NUDT7: variants seen among roughly 807,000 people sequenced by gnomAD.
NUDT7 encodes the protein nudix hydrolase 7, also known as peroxisomal coenzyme A diphosphatase NUDT7.
NUDT7 carries 19 observed loss-of-function variants against 13.1 expected under a neutral mutation model. The ratio of observed to expected loss-of-function variants is 1.45; its 90% confidence interval spans 1.01 to 2.13. The LOEUF (loss-of-function observed/expected upper bound fraction) is 2.13. NUDT7 is among the 30% of genes most tolerant of loss of function. The pLI is 0.00. For missense variants in NUDT7, 360 were observed against 291.7 expected (o/e 1.23, Z -1.71); for synonymous variants, 132 against 109.7 (o/e 1.20, Z -1.27).
At chr16:77,733,763 A>G (rs1425873781) in intron 2 of NUDT7, among the ~76,000 whole-genome samples, 2 of 152,172 alleles carry the variant, frequency 1.3e-5, no homozygotes, top group Admixed American at 1.3e-4. Context: ...ACCCCATTGC[A>G]CACAGTTGGA....
At chr16:77,730,819 T>C (rs1272966243) in intron 2 of NUDT7, among the ~76,000 whole-genome samples, 1 of 152,178 alleles carries the variant, frequency 6.6e-6, no homozygotes, top group South Asian at 2.1e-4. Context: ...TGTGACGTAA[T>C]GTCTCTCTGT....
At chr16:77,722,766 G>C in intron 1 of NUDT7, 149 bp downstream of exon 1, 2 of 722,140 alleles carry the variant, frequency 2.8e-6, no homozygotes, top group Non-Finnish European at 4.8e-6. Context: ...CTCGCCTCCA[G>C]CAACCCGCAG....
At chr16:77,736,656 G>A (rs1378797794) in intron 3 of NUDT7, 2 of 269,206 alleles carry the variant, frequency 7.4e-6, no homozygotes, top group South Asian at 6.8e-5. Context: ...ATAGAGATGG[G>A]GGTCTCGCTA....
At chr16:77,736,772 CT>C in intron 3 of NUDT7, 1 of 177,726 alleles carries the variant, frequency 5.6e-6, no homozygotes, top group South Asian at 1.1e-4. Flanking sequence ...AGCTTCTGAT[CT>C]TACTTTCTAT....
intron 2 of NUDT7, among the ~76,000 whole-genome samples, chr16:77,726,091 A>C (rs894083506): frequency 6.6e-6 from 1 of 151,958 alleles, no homozygotes; most frequent in Non-Finnish European, 1.5e-5. Context: ...AGACTATCCC[A>C]CCCCCAGTAT....
chr16:77,723,489 C>T (rs2145098191), intron 1 of NUDT7, among the ~76,000 whole-genome samples: 1 of 152,228 alleles, frequency 6.6e-6, no homozygotes, highest in Middle Eastern at 3.4e-3. Flanking sequence ...TGAGCACCAG[C>T]TGTGTGCCAG....
chr16:77,740,021 A>C (rs955743475), intron 3 of NUDT7, among the ~76,000 whole-genome samples: 1 of 152,092 alleles, frequency 6.6e-6, no homozygotes, highest in African/African-American at 2.4e-5. Context: ...TTAAAAAATC[A>C]CTTGCATCTG....
intron 2 of NUDT7, among the ~76,000 whole-genome samples, chr16:77,730,149 T>C (rs2014273145): frequency 6.6e-6 from 1 of 152,224 alleles, no homozygotes; most frequent in South Asian, 2.1e-4. Flanking sequence ...AAGAACACTT[T>C]ATATCCATTC....
intron 2 of NUDT7, among the ~76,000 whole-genome samples, chr16:77,732,716 A>G (rs1283503308): frequency 6.6e-6 from 1 of 152,186 alleles, no homozygotes; most frequent in East Asian, 1.9e-4. Flanking sequence ...GTGCAAGTGC[A>G]CCCTGTGTTG....
chr16:77,723,438 A>T (rs1457732769), intron 1 of NUDT7, among the ~76,000 whole-genome samples: 5 of 152,182 alleles, frequency 3.3e-5, no homozygotes, highest in Non-Finnish European at 7.3e-5. Context: ...ACAACTGCTT[A>T]TCTAATGATG....
rs996005094 is a variant in NUDT7, at chr16:77,730,774, C to A, written c.190-5054C>A. On this transcript the variant is annotated intron_variant, in intron 2 of 3. Transcript: ENST00000268533. The stretch of plus-strand genomic sequence containing the variant: ...TTTTCCATATCCTCAACAACACTTA[C>A]GTTTTGTTTTTTAGATAATGGCCAT... Among the ~76,000 whole-genome samples the A allele has an allele frequency of 1.3e-5, 2 of 151,292 alleles. 1 individual carries two copies. The highest frequency in any genetic ancestry group is 4.2e-4 in the South Asian group (2 of 4,722).
At chr16:77,730,863 T>C (rs2014297091) in intron 2 of NUDT7, among the ~76,000 whole-genome samples, 1 of 152,182 alleles carries the variant, frequency 6.6e-6, no homozygotes, top group Admixed American at 6.5e-5. Context: ...TGATTAGTGA[T>C]GTTAAGCATT....
At chr16:77,741,433 G>A (rs2014656087) in intron 3 of NUDT7, 149 bp from the exon 4 acceptor site, 2 of 721,852 alleles carry the variant, frequency 2.8e-6, no homozygotes, top group East Asian at 2.7e-5. Context: ...CATTTTAGGG[G>A]GAACATAAAT....
intron 3 of NUDT7, among the ~76,000 whole-genome samples, chr16:77,740,814 C>T (rs1348774163): frequency 6.6e-6 from 1 of 152,140 alleles, no homozygotes; most frequent in Non-Finnish European, 1.5e-5. Context: ...TCCCAAAGTG[C>T]TGGGATTACA....
At chr16:77,728,545 T>C (rs2014214610) in intron 2 of NUDT7, among the ~76,000 whole-genome samples, 1 of 152,116 alleles carries the variant, frequency 6.6e-6, no homozygotes. Context: ...CCTGCAAAGT[T>C]CGTAAATCTC....
In NUDT7 at chr16:77,735,898, C is replaced by T; in HGVS notation, c.260C>T (p.Ala87Val). 1.2e-6 allele frequency: 2 copies of T among 1,614,000 alleles called. No individual in the cohort carries two copies. Among genetic ancestry groups the T allele is most frequent in the Admixed American group, 1.7e-5 (1 of 60,026 alleles). Residue 87 changes from alanine to valine, a missense_variant, in exon 3 of 4, where the codon GCC becomes GTC. Coordinates refer to ENST00000268533, the MANE Select transcript of NUDT7 (RefSeq NM_001105663.3). ...GACCCTACAGACATGGATGATGCAG[C>T]CACAGCTCTCCGGGAAGCCCAGGAG... The part of the protein sequence containing the change: ...KRDPTDMDDA[A>V]TALREAQEEV...
intron 2 of NUDT7, chr16:77,735,578 C>T (rs2014453233): frequency 1.8e-6 from 1 of 555,364 alleles, no homozygotes; most frequent in Non-Finnish European, 3.2e-6. Flanking sequence ...AGTGCAAGAA[C>T]AGATTAATAC....
chr16:77,741,907 A>T lies in NUDT7; in HGVS notation c.674A>T (p.Glu225Val), dbSNP rs1567434464. Reference protein sequence around the residue: ...NLNDVLASSEELFLKVHKKAT... With the variant: ...NLNDVLASSEVLFLKVHKKAT... ...AATGATGTATTAGCATCCTCTGAAG[A>T]GTTATTCCTGAAGGTTCATAAAAAA... The change falls in exon 4 of 4, where the codon GAG becomes GTG. Residue 225 changes from glutamate to valine, a missense_variant. Physicochemically the swap from Glu to Val is moderately radical, Grantham distance 121 (BLOSUM62 -2). Coordinates refer to ENST00000268533, the MANE Select transcript of NUDT7 (RefSeq NM_001105663.3). 1 of 1,611,248 alleles carries T rather than the reference A, an allele frequency of 6.2e-7. No homozygotes were observed. Among genetic ancestry groups the T allele is most frequent in the Admixed American group, 1.7e-5 (1 of 59,464 alleles).
In NUDT7 at chr16:77,738,015, A is replaced by G. The variant is rs184870042; in HGVS notation, c.348+2029A>G. Among the ~76,000 whole-genome samples, 175 of 152,220 alleles carry G rather than the reference A, an allele frequency of 1.1e-3. 2 individuals are homozygous for G. Among genetic ancestry groups the G allele is most frequent in the African/African-American group, 4.0e-3 (166 of 41,536 alleles). On this transcript the variant is annotated intron_variant, in intron 3 of 3. Transcript: ENST00000268533. ...TACCCAAGGGTGGTTTTGTTTGCAA[A>G]AAGCTAGTGGCCACTCAATAAATGT...
Sources: allele counts gnomAD v4.1 joint callset (sites outside exome capture counted in the v4.1 genomes callset), GRCh38; gene constraint gnomAD v4.1.1; transcripts MANE v1.5; gene names NCBI Gene and HGNC (gene_info 2026-07-23, HGNC 2026-07-21).